Variants in ZFAT observed in about 807,000 individuals in gnomAD.
The protein encoded by ZFAT is zinc finger and AT-hook domain containing.
A neutral mutation model predicts 117.7 loss-of-function variants in ZFAT; 64 were observed. The ratio of observed to expected loss-of-function variants is 0.54; its 90% confidence interval spans 0.44 to 0.67. The LOEUF is 0.67. Among genes scored for constraint, ZFAT ranks in the 30% least tolerant of loss-of-function variants. The pLI is 0.00. For missense variants in ZFAT, 1,433 were observed against 1,584.5 expected, an observed-to-expected ratio of 0.90 and a Z score of 1.62; for synonymous variants, 679 against 615.0, an observed-to-expected ratio of 1.10 and a Z score of -1.54.
At chr8:134,753,607 G>T in the ZFAT span, among the ~76,000 whole-genome samples, 1 of 152,272 alleles carries the variant, frequency 6.6e-6, no homozygotes, top group Middle Eastern at 3.4e-3. Flanking sequence ...ACTCATAGTG[G>T]AATAGTTAAG....
the ZFAT span, chr8:134,794,374 A>AAC: frequency 6.6e-6 from 1 of 152,344 alleles, no homozygotes; most frequent in African/African-American, 2.4e-5. Context: ...CATACACGGT[A>AAC]TAAGTTCAAA....
At chr8:134,686,224 C>T (rs1327177638) in intron 1 of ZFAT, among the ~76,000 whole-genome samples, 2 of 152,348 alleles carry the variant, frequency 1.3e-5, no homozygotes, top group South Asian at 2.1e-4. Flanking sequence ...TGTATGCCCA[C>T]ATTTCTATGT....
At chr8:134,557,798 A>G (rs1036046502) in intron 11 of ZFAT, among the ~76,000 whole-genome samples, 2 of 152,248 alleles carry the variant, frequency 1.3e-5, no homozygotes, top group African/African-American at 4.8e-5. Flanking sequence ...ATGCACTCCA[A>G]TTAAAGGGCA....
intron 11 of ZFAT, among the ~76,000 whole-genome samples, chr8:134,557,561 C>G (rs1342674247): frequency 6.6e-6 from 1 of 152,158 alleles, no homozygotes; most frequent in Non-Finnish European, 1.5e-5. Context: ...TATATAGAAA[C>G]TCTCTGTACT....
intron 11 of ZFAT, among the ~76,000 whole-genome samples, chr8:134,535,284 A>G (rs965173266): frequency 3.9e-5 from 6 of 152,178 alleles, no homozygotes; most frequent in African/African-American, 9.7e-5. Context: ...GGAATTTTCA[A>G]CTGCCTTCCA....
intron 10 of ZFAT, among the ~76,000 whole-genome samples, chr8:134,568,625 C>A (rs1349388123): frequency 6.6e-6 from 1 of 152,158 alleles, no homozygotes; most frequent in South Asian, 2.1e-4. Context: ...CATTTGAAAT[C>A]AAGAGTCAGC....
At chr8:134,498,240 C>G (rs1233377932) in intron 15 of ZFAT, among the ~76,000 whole-genome samples, 33 of 127,264 alleles carry the variant, frequency 2.6e-4, no homozygotes, top group African/African-American at 8.8e-4. Context: ...TGGTTACACA[C>G]AGAGCCTGAT....
At position 134,695,437 on chromosome 8, in the gene ZFAT, C is replaced by A. The variant is rs902793702; in HGVS notation, c.19+17408G>T. On this transcript the variant is annotated intron_variant, in intron 1 of 15. Coordinates refer to ENST00000377838, the MANE Select transcript of ZFAT (RefSeq NM_020863.4). Reference sequence around the variant, plus strand: ...GCCATCTCCAACCAAGGAGGCGACACCCTCCAGGCCCGGCCATCTTAACCA... The same window carrying A: ...GCCATCTCCAACCAAGGAGGCGACAACCTCCAGGCCCGGCCATCTTAACCA... 2.0e-5 allele frequency among the ~76,000 whole-genome samples: 3 copies of A among 151,752 alleles called. No individual in the cohort carries two copies. In the East Asian group the frequency reaches 5.8e-4, roughly 29 times the overall value.
the ZFAT span, chr8:134,765,265 A>G: frequency 1.3e-5 from 2 of 152,234 alleles, no homozygotes; most frequent in Non-Finnish European, 2.9e-5. Context: ...AGACTGAACC[A>G]TCATCTTGGC....
At chr8:134,528,327 ACAAT>A (rs949652830) in intron 12 of ZFAT, among the ~76,000 whole-genome samples, 2 of 152,242 alleles carry the variant, frequency 1.3e-5, no homozygotes, top group African/African-American at 4.8e-5. Flanking sequence ...ACATAAAATA[ACAAT>A]CAATAACACA....
At chr8:134,660,952 T>TCTCTCAGGCTGA (rs1831894709) in intron 1 of ZFAT, among the ~76,000 whole-genome samples, 2 of 152,260 alleles carry the variant, frequency 1.3e-5, no homozygotes, top group South Asian at 4.1e-4. Flanking sequence ...CATTAACACA[T>TCTCTCAGGCTGA]GTGTCTGTGT....
the ZFAT span, among the ~76,000 whole-genome samples, chr8:134,756,390 C>T: frequency 0.036 from 5,524 of 152,306 alleles, 222 homozygotes; most frequent in African/African-American, 0.095. Context: ...CGTTCAGGAA[C>T]GGGACATTAC....
At chr8:134,580,189 A>G (rs1352043016) in intron 10 of ZFAT, among the ~76,000 whole-genome samples, 1 of 152,160 alleles carries the variant, frequency 6.6e-6, no homozygotes, top group African/African-American at 2.4e-5. Context: ...TCAGAGAAGT[A>G]ATCTGACCAA....
intron 1 of ZFAT, among the ~76,000 whole-genome samples, chr8:134,682,208 AT>A (rs2131301552): frequency 6.6e-6 from 1 of 152,304 alleles, no homozygotes; most frequent in African/African-American, 2.4e-5. Context: ...AGGTTTTATT[AT>A]TGTATTTCCT....
chr8:134,821,542 T>C, the ZFAT span, among the ~76,000 whole-genome samples: 2 of 148,148 alleles, frequency 1.3e-5, no homozygotes, highest in African/African-American at 5.0e-5. Context: ...GTCACATGCA[T>C]GCGGTTTAAA....
chr8:134,561,510 T>A (rs1824048180), intron 11 of ZFAT, among the ~76,000 whole-genome samples: 1 of 152,214 alleles, frequency 6.6e-6, no homozygotes, highest in Admixed American at 6.5e-5. Context: ...TGGAAAGGAA[T>A]CAACAAGTAC....
chr8:134,481,546 T>A (rs1456660679), intron 15 of ZFAT, among the ~76,000 whole-genome samples: 1 of 152,158 alleles, frequency 6.6e-6, no homozygotes, highest in Non-Finnish European at 1.5e-5. Flanking sequence ...TTAAAAACAC[T>A]AACACCACAA....
intron 5 of ZFAT, among the ~76,000 whole-genome samples, chr8:134,608,044 T>C (rs1262769412): frequency 2.0e-5 from 3 of 152,188 alleles, no homozygotes; most frequent in African/African-American, 7.2e-5. Context: ...TCCGTAATAG[T>C]AAAAACTGGC....
intron 1 of ZFAT, among the ~76,000 whole-genome samples, chr8:134,658,720 T>A (rs569128483): frequency 6.6e-6 from 1 of 152,282 alleles, no homozygotes; most frequent in Admixed American, 6.5e-5. Context: ...AAGCCAGATC[T>A]TTGTATTATT....
Sources: allele counts gnomAD v4.1 joint callset (sites outside exome capture counted in the v4.1 genomes callset), GRCh38; gene constraint gnomAD v4.1.1; transcripts MANE v1.5; gene names NCBI Gene and HGNC (gene_info 2026-07-23, HGNC 2026-07-21).